Variants in ZBTB7C observed in about 807,000 individuals in gnomAD.
ZBTB7C encodes the protein zinc finger and BTB domain containing 7C.
A neutral mutation model predicts 25.7 loss-of-function variants in ZBTB7C; 8 were observed. The observed-to-expected ratio is 0.31, with a 90% confidence interval of 0.18 to 0.56. The LOEUF is 0.56. ZBTB7C is among the 20% of genes least tolerant of loss of function. The probability of loss-of-function intolerance (pLI) is 0.91; values close to 1 mark genes in which losing one functional copy is unlikely to be tolerated. For synonymous variants in ZBTB7C, 394 were observed against 369.0 expected (o/e 1.07, Z -0.78); for missense variants, 824 against 855.2 (o/e 0.96, Z 0.46).
intron 2 of ZBTB7C, among the ~76,000 whole-genome samples, chr18:48,299,168 C>T (rs1277973559): frequency 6.6e-6 from 1 of 152,112 alleles, no homozygotes; most frequent in Non-Finnish European, 1.5e-5. Context: ...GAGGGAGAGG[C>T]CTGGAGGAGA....
chr18:48,372,711 C>T (rs928210656), intron 1 of ZBTB7C, among the ~76,000 whole-genome samples: 5 of 152,162 alleles, frequency 3.3e-5, no homozygotes, highest in African/African-American at 1.2e-4. Flanking sequence ...CCCAGCCTCC[C>T]TCTCTGGACT....
At position 48,297,639 on chromosome 18, in the gene ZBTB7C, C is replaced by T. The variant is rs541772941; in HGVS notation, c.-79+40535G>A. On this transcript the variant is annotated intron_variant, in intron 2 of 4. Coordinates refer to ENST00000590800, the MANE Select transcript of ZBTB7C (RefSeq NM_001318841.2). ...GCAGGGCTTGGCAGCGCTGCAGTGC[C>T]GGGCAACTGCAGAACGTCTTAAACC... 2.1e-4 allele frequency among the ~76,000 whole-genome samples: 32 copies of T among 152,284 alleles called. 1 individual carries two copies. Among genetic ancestry groups the T allele is most frequent in the South Asian group, 2.1e-4 (1 of 4,826 alleles).
In ZBTB7C at chr18:48,044,721, T is replaced by C. The variant is rs142005030; in HGVS notation, c.-16-3598A>G. Reference sequence around the variant, plus strand: ...GATTCCATTTATATAACAGGACCCATGAAACGAACTGGGAGGATAGGGCAG... The same window carrying C: ...GATTCCATTTATATAACAGGACCCACGAAACGAACTGGGAGGATAGGGCAG... On this transcript the variant is annotated intron_variant, in intron 3 of 4. Coordinates refer to ENST00000590800, the MANE Select transcript of ZBTB7C (RefSeq NM_001318841.2). Among the ~76,000 whole-genome samples the C allele has an allele frequency of 2.9e-3, 435 of 152,372 alleles. 2 individuals are homozygous for C. The highest frequency in any genetic ancestry group is 9.9e-3 in the African/African-American group (413 of 41,596).
intron 2 of ZBTB7C, among the ~76,000 whole-genome samples, chr18:48,194,669 C>T (rs1031439542): frequency 6.6e-6 from 1 of 152,134 alleles, no homozygotes; most frequent in African/African-American, 2.4e-5. Flanking sequence ...CCAGCATCAC[C>T]AGGGCAGTGA....
intron 2 of ZBTB7C, among the ~76,000 whole-genome samples, chr18:48,228,954 A>G (rs576064410): frequency 6.6e-6 from 1 of 152,108 alleles, no homozygotes; most frequent in South Asian, 2.1e-4. Flanking sequence ...CTGGCTCTCC[A>G]GTGGCAGCCA....
intron 3 of ZBTB7C, among the ~76,000 whole-genome samples, chr18:48,160,006 G>C (rs1258575484): frequency 2.6e-5 from 4 of 152,234 alleles, no homozygotes; most frequent in African/African-American, 4.8e-5. Flanking sequence ...TACTGGTTGA[G>C]GGTAATGAAT....
At chr18:48,195,764 C>T (rs2042304797) in intron 2 of ZBTB7C, among the ~76,000 whole-genome samples, 1 of 152,092 alleles carries the variant, frequency 6.6e-6, no homozygotes, top group Non-Finnish European at 1.5e-5. Flanking sequence ...GTTGTTTCAC[C>T]CACACCTAAC....
chr18:48,328,069 C>G (rs917393520), intron 2 of ZBTB7C, among the ~76,000 whole-genome samples: 1 of 150,756 alleles, frequency 6.6e-6, no homozygotes, highest in Non-Finnish European at 1.5e-5. Flanking sequence ...GTAGTCCCAG[C>G]TACTTGGGAG....
At chr18:48,404,051 G>A (rs926466027) in intron 1 of ZBTB7C, among the ~76,000 whole-genome samples, 1 of 152,118 alleles carries the variant, frequency 6.6e-6, no homozygotes, top group East Asian at 1.9e-4. Flanking sequence ...TCAGGAATTC[G>A]AGACCAGCCT....
Position 48,254,998 on chromosome 18 carries a change from C to G in ZBTB7C, c.-78-69003G>C, listed in dbSNP as rs73955671. Among the ~76,000 whole-genome samples, 1,174 of 152,296 alleles carry G rather than the reference C, an allele frequency of 7.7e-3. 13 individuals carry two copies. The highest frequency in any genetic ancestry group is 0.027 in the African/African-American group (1,116 of 41,552). Reference sequence around the variant, plus strand: ...ATACTAAGAAAGATCTTAATACTATCCTAGACTACACATTAATCTAGTCCC... The same window carrying G: ...ATACTAAGAAAGATCTTAATACTATGCTAGACTACACATTAATCTAGTCCC... On this transcript the variant is annotated intron_variant, in intron 2 of 4. Transcript: ENST00000590800.
intron 3 of ZBTB7C, among the ~76,000 whole-genome samples, chr18:48,086,701 G>A (rs895226996): frequency 6.6e-6 from 1 of 152,168 alleles, no homozygotes; most frequent in African/African-American, 2.4e-5. Flanking sequence ...TGGATTCTGA[G>A]GGCTCTGCCT....
At position 48,278,762 on chromosome 18, in the gene ZBTB7C, C is replaced by CA. The variant is rs562752855; in HGVS notation, c.-79+59411dup. ...AAATTCTGACCTATATGATCATGAGCAAATAGTTGCTTTAAGCCAGTATAT... is the reference window on the plus strand; with the variant it reads ...AAATTCTGACCTATATGATCATGAGCAAAATAGTTGCTTTAAGCCAGTATAT... On this transcript the variant is annotated intron_variant, in intron 2 of 4. Transcript: ENST00000590800. Among the ~76,000 whole-genome samples the CA allele has an allele frequency of 4.2e-4, 64 of 152,272 alleles. No individual in the cohort carries two copies. In the East Asian group the frequency reaches 0.01, roughly 25 times the overall value.
At chr18:48,046,976 G>A (rs1312964446) in intron 3 of ZBTB7C, among the ~76,000 whole-genome samples, 4 of 152,158 alleles carry the variant, frequency 2.6e-5, no homozygotes, top group South Asian at 2.1e-4. Flanking sequence ...TTCTCACTGC[G>A]CCTTGGTTTG....
intron 3 of ZBTB7C, among the ~76,000 whole-genome samples, chr18:48,061,829 A>G (rs1414278541): frequency 6.6e-6 from 1 of 152,202 alleles, no homozygotes; most frequent in Admixed American, 6.5e-5. Context: ...GGCATTTGGT[A>G]TAATGTTTGT....
At chr18:48,194,717 G>C (rs920297827) in intron 2 of ZBTB7C, among the ~76,000 whole-genome samples, 1 of 152,172 alleles carries the variant, frequency 6.6e-6, no homozygotes, top group African/African-American at 2.4e-5. Flanking sequence ...CATATGCAGA[G>C]AGGATCAGGA....
intron 3 of ZBTB7C, among the ~76,000 whole-genome samples, chr18:48,176,744 C>T (rs1243968228): frequency 1.3e-5 from 2 of 152,072 alleles, no homozygotes; most frequent in African/African-American, 4.8e-5. Flanking sequence ...TTTTTGTTTG[C>T]AGTTTCTCTG....
rs550846702 is a variant in ZBTB7C at position 48,034,721 on chromosome 18, C to A, written c.1209-4810G>T. On this transcript the variant is annotated intron_variant, in intron 4 of 4. Coordinates refer to ENST00000590800, the MANE Select transcript of ZBTB7C (RefSeq NM_001318841.2). ...GACTACAAATCCAACATGCTCCCCT[C>A]TGGCCCTGGTCCCCTTGTCTGCCAT... Among the ~76,000 whole-genome samples the A allele has an allele frequency of 5.7e-4, 87 of 152,348 alleles. 1 individual carries two copies. The highest frequency in any genetic ancestry group is 9.1e-4 in the Admixed American group (14 of 15,304).
intron 3 of ZBTB7C, among the ~76,000 whole-genome samples, chr18:48,082,682 C>T (rs182182575): frequency 4.0e-5 from 6 of 151,576 alleles, no homozygotes; most frequent in Admixed American, 2.6e-4. Flanking sequence ...CTGAGTACCT[C>T]CCGTGCGCTG....
intron 1 of ZBTB7C, among the ~76,000 whole-genome samples, chr18:48,392,662 CA>C (rs2047929367): frequency 6.6e-6 from 1 of 152,210 alleles, no homozygotes; most frequent in Non-Finnish European, 1.5e-5. Context: ...CCCTATCCCA[CA>C]AACAATAAAG....
Sources: gnomAD v4.1 joint callset for allele counts (sites outside exome capture counted in the v4.1 genomes callset) on GRCh38, gnomAD v4.1.1 for gene constraint, MANE v1.5 for transcripts, NCBI Gene and HGNC (gene_info 2026-07-23, HGNC 2026-07-21) for gene names.